FAM120C: variants seen among roughly 807,000 people sequenced by gnomAD.
FAM120C encodes constitutive coactivator of PPAR-gamma-like protein 2.
A neutral mutation model predicts 71.2 loss-of-function variants in FAM120C; 14 were observed. That is an observed-to-expected ratio of 0.20 (90% CI 0.13 to 0.31). The LOEUF (loss-of-function observed/expected upper bound fraction) is 0.31. Ranked by LOEUF, FAM120C falls within the 10% of genes least tolerant of loss-of-function variation. The pLI, the probability that FAM120C is intolerant of heterozygous loss-of-function variation, is 1.00. For synonymous variants in FAM120C, 354 were observed against 353.2 expected (o/e 1.00, Z -0.03); for missense variants, 500 against 879.0 (o/e 0.57, Z 5.45).
At chrX:54,100,967 G>C (rs782029545) in intron 10 of FAM120C, among the ~76,000 whole-genome samples, 6 of 111,067 alleles carry the variant, frequency 5.4e-5, no homozygotes, top group Non-Finnish European at 1.1e-4. Context: ...GCCCTGGTTG[G>C]AGACTCTGTG....
chrX:54,151,981 T>C (rs899925653), intron 3 of FAM120C, among the ~76,000 whole-genome samples: 3 of 110,816 alleles, frequency 2.7e-5, no homozygotes, highest in Admixed American at 9.7e-5. Context: ...CAATGGTGAT[T>C]TACTATATAT....
At chrX:54,111,725 G>A (rs1325916521) in intron 10 of FAM120C, among the ~76,000 whole-genome samples, 1 of 112,015 alleles carries the variant, frequency 8.9e-6, no homozygotes, top group African/African-American at 3.2e-5. Context: ...GTAATCTACA[G>A]ATTAAATGTA....
chrX:54,129,229 T>TGGTGGCCAGGCAGA (rs2067047853), intron 9 of FAM120C, among the ~76,000 whole-genome samples: 2 of 104,436 alleles, frequency 1.9e-5, no homozygotes, highest in Non-Finnish European at 4.0e-5. Context: ...CCAGACGGGG[T>TGGTGGCCAGGCAGA]GGCTGCCGGG....
Position 54,072,823 on chromosome X carries a change from C to A in FAM120C, c.*210G>T. ...AGGACCTAGTCTTACTGCCATTCATCTTTGACCAGAACTTCTCCAGAAACA... is the reference window on the plus strand; with the variant it reads ...AGGACCTAGTCTTACTGCCATTCATATTTGACCAGAACTTCTCCAGAAACA... On this transcript the variant is annotated 3_prime_UTR_variant, in exon 16 of 16. Coordinates refer to ENST00000375180, the MANE Select transcript of FAM120C (RefSeq NM_017848.6). The A allele has an allele frequency of 2.5e-6, 1 of 400,656 alleles. No individual in the cohort carries two copies. The highest frequency in any genetic ancestry group is 4.6e-5 in the Admixed American group (1 of 21,637). The allele number at this position is 400,656 out of a possible 1,213,427, so 33.0% of individuals were successfully genotyped here.
chrX:54,109,687 C>T (rs910361740), intron 10 of FAM120C, among the ~76,000 whole-genome samples: 3 of 104,262 alleles, frequency 2.9e-5, no homozygotes, highest in African/African-American at 7.0e-5. Flanking sequence ...GTAACGAATA[C>T]CTGAAAATGT....
At chrX:54,150,941 C>T (rs1557132922) in intron 4 of FAM120C, among the ~76,000 whole-genome samples, 2 of 110,364 alleles carry the variant, frequency 1.8e-5, no homozygotes, top group African/African-American at 6.6e-5. Context: ...TCTTGAACTT[C>T]TGACCTCAAG....
intron 4 of FAM120C, among the ~76,000 whole-genome samples, chrX:54,143,976 G>A (rs1238696676): frequency 9.0e-6 from 1 of 111,189 alleles, no homozygotes; most frequent in Non-Finnish European, 1.9e-5. Flanking sequence ...TGATCAAGCT[G>A]GCTTCATCCC....
intron 1 of FAM120C, among the ~76,000 whole-genome samples, chrX:54,179,886 G>A: frequency 8.9e-6 from 1 of 111,930 alleles, no homozygotes; most frequent in East Asian, 2.8e-4. Flanking sequence ...GACTAAAGAG[G>A]ACTGCTGGGA....
chrX:54,145,285 G>C (rs2067149101), intron 4 of FAM120C, among the ~76,000 whole-genome samples: 1 of 111,901 alleles, frequency 8.9e-6, no homozygotes, highest in Non-Finnish European at 1.9e-5. Context: ...AACACCAAAA[G>C]CAATGGCAAC....
In FAM120C at chrX:54,127,447, C is replaced by T. The variant is rs782285387; in HGVS notation, c.2062+5245G>A. On this transcript the variant is annotated intron_variant, in intron 9 of 15. Transcript: ENST00000375180. ...TCTACTAAAAGTACAAAAAATTAGC[C>T]GGGCCTGGTGGTGGGCGCCTGTAGT... Among the ~76,000 whole-genome samples, 10 of 107,338 alleles carry T rather than the reference C, an allele frequency of 9.3e-5. No homozygotes were observed. In the East Asian group the frequency reaches 1.5e-3, roughly 16 times the overall value. The allele number at this position is 107,338 out of a possible 115,157, so 93.2% of individuals were successfully genotyped here.
At chrX:54,080,415 T>A in intron 14 of FAM120C, 126 bp from the exon 15 acceptor site, 1 of 516,275 alleles carries the variant, frequency 1.9e-6, no homozygotes, top group South Asian at 2.8e-5. Context: ...CTTCTCAGTG[T>A]TACTACTGAA....
intron 9 of FAM120C, among the ~76,000 whole-genome samples, chrX:54,117,977 A>C (rs1253952940): frequency 4.5e-5 from 5 of 111,638 alleles, no homozygotes; most frequent in Non-Finnish European, 9.4e-5. Context: ...TAATCCCAGC[A>C]CTTTGGGAGG....
At chrX:54,151,596 G>A (rs1297208155) in intron 3 of FAM120C, among the ~76,000 whole-genome samples, 3 of 112,090 alleles carry the variant, frequency 2.7e-5, no homozygotes, top group Non-Finnish European at 3.8e-5. Context: ...TCTTCCTGCA[G>A]AGATAACTAC....
In FAM120C at chrX:54,087,976, A is replaced by G; in HGVS notation, c.2428-12T>C. On this transcript the variant is annotated splice_polypyrimidine_tract_variant and intron_variant, in intron 11 of 15. Transcript: ENST00000375180. ...TCCAGTTTCTCAATCTGAAACCACC[A>G]CAGATGAAATATTACTATTAAGAAA... 2 of 1,177,397 alleles carry G rather than the reference A, an allele frequency of 1.7e-6. No individual in the cohort carries two copies. Among genetic ancestry groups the G allele is most frequent in the Non-Finnish European group, 2.3e-6 (2 of 867,262 alleles).
Position 54,068,814 on chromosome X carries a change from TAGAA to T in FAM120C, c.*4215_*4218del, listed in dbSNP as rs1569531058. The T allele has an allele frequency of 9.3e-6, 1 of 107,171 alleles. No homozygotes were observed. Among genetic ancestry groups the T allele is most frequent in the Non-Finnish European group, 1.9e-5 (1 of 52,316 alleles). The allele number at this position is 107,171 out of a possible 1,213,427, so 8.8% of individuals were successfully genotyped here. On this transcript the variant is annotated 3_prime_UTR_variant, in exon 16 of 16. Transcript: ENST00000375180. ...CAGAATAGAATAGAATAGAATAGAA[TAGAA>T]TAGAATAGAATAGAATAGAATAGAA... is the stretch of plus-strand genomic sequence containing the variant.
At chrX:54,181,351 G>C (rs2067348995) in intron 1 of FAM120C, among the ~76,000 whole-genome samples, 1 of 111,001 alleles carries the variant, frequency 9.0e-6, no homozygotes, top group Non-Finnish European at 1.9e-5. Context: ...ACCCAACCCT[G>C]TACTACTTTT....
Position 54,125,303 on chromosome X carries a change from C to CT in FAM120C, c.2062+7388dup, listed in dbSNP as rs1274835907. Among the ~76,000 whole-genome samples, 6 of 109,843 alleles carry CT rather than the reference C, an allele frequency of 5.5e-5. No individual in the cohort carries two copies. The East Asian group carries it at 1.4e-3, about 26-fold the overall frequency. ...CTACATGTCAATACCTCTGCCTAGT[C>CT]TTTTTTTTCTTTTAAGACAGGGTCT... is the stretch of plus-strand genomic sequence containing the variant. On this transcript the variant is annotated intron_variant, in intron 9 of 15. Transcript: ENST00000375180.
chrX:54,075,846 A>G (rs1244073390), intron 15 of FAM120C, among the ~76,000 whole-genome samples: 2 of 101,416 alleles, frequency 2.0e-5, no homozygotes, highest in Non-Finnish European at 4.0e-5. Flanking sequence ...CGGGTGTGGT[A>G]GCTCACGCCT....
intron 1 of FAM120C, among the ~76,000 whole-genome samples, chrX:54,169,254 T>C (rs2067275181): frequency 1.8e-5 from 2 of 111,252 alleles, no homozygotes; most frequent in African/African-American, 3.3e-5. Context: ...GCCGAGATCA[T>C]GCACTGCACA....
Sources: allele counts gnomAD v4.1 joint callset (sites outside exome capture counted in the v4.1 genomes callset), GRCh38; gene constraint gnomAD v4.1.1; transcripts MANE v1.5; gene names NCBI Gene and HGNC (gene_info 2026-07-23, HGNC 2026-07-21).